CTNNA2: variants seen among roughly 807,000 people sequenced by gnomAD.
CTNNA2 encodes the protein catenin alpha 2.
In CTNNA2, 42 loss-of-function variants were observed where a neutral mutation model predicts 101.0. The ratio of observed to expected loss-of-function variants is 0.42; its 90% CI spans 0.32 to 0.54. The LOEUF is 0.54. Among genes scored for constraint, CTNNA2 ranks in the 20% least tolerant of loss-of-function variants. The probability of loss-of-function intolerance (pLI) is 0.14; values close to 1 mark genes in which losing one functional copy is unlikely to be tolerated. For missense variants in CTNNA2, 871 were observed against 1,223.1 expected, an observed-to-expected ratio of 0.71 and a Z score of 4.29; for synonymous variants, 450 against 456.4, an observed-to-expected ratio of 0.99 and a Z score of 0.18.
intron 4 of CTNNA2, among the ~76,000 whole-genome samples, chr2:79,451,158 A>G (rs539093139): frequency 6.6e-6 from 1 of 152,272 alleles, no homozygotes; most frequent in South Asian, 2.1e-4. Context: ...AAGGAAAACA[A>G]CATTGAACAA....
chr2:79,242,993 T>TATATATATAC (rs1306982182), intron 2 of CTNNA2, among the ~76,000 whole-genome samples: 35 of 116,696 alleles, frequency 3.0e-4, no homozygotes, highest in Admixed American at 4.5e-4. Context: ...TATATATATA[T>TATATATATAC]ACACACACAC....
intron 7 of CTNNA2, among the ~76,000 whole-genome samples, chr2:79,975,431 G>T (rs531391749): frequency 2.6e-5 from 4 of 152,268 alleles, no homozygotes; most frequent in African/African-American, 9.6e-5. Context: ...CAATTTTGCA[G>T]CAGATTCTTC....
intron 7 of CTNNA2, among the ~76,000 whole-genome samples, chr2:80,006,846 T>C (rs1693392050): frequency 6.6e-6 from 1 of 152,152 alleles, no homozygotes; most frequent in Non-Finnish European, 1.5e-5. Context: ...ACTCTGTTCT[T>C]ATTGGAATCC....
At chr2:79,856,978 T>C (rs1558585423) in intron 3 of CTNNA2, among the ~76,000 whole-genome samples, 1 of 152,216 alleles carries the variant, frequency 6.6e-6, no homozygotes, top group Non-Finnish European at 1.5e-5. Flanking sequence ...AAATCTATTA[T>C]TGTAACTTCC....
chr2:80,154,249 G>A (rs1703873264), intron 7 of CTNNA2, among the ~76,000 whole-genome samples: 1 of 151,526 alleles, frequency 6.6e-6, no homozygotes. Flanking sequence ...TTTCCTGTTG[G>A]TATTTTAGAA....
intron 4 of CTNNA2, among the ~76,000 whole-genome samples, chr2:79,868,665 T>C (rs762492402): frequency 6.6e-6 from 1 of 152,356 alleles, no homozygotes; most frequent in Admixed American, 6.5e-5. Context: ...TTGCCCAAAA[T>C]TACAAGAGCC....
intron 1 of CTNNA2, among the ~76,000 whole-genome samples, chr2:79,565,840 T>C (rs1018915405): frequency 2.0e-5 from 3 of 152,094 alleles, no homozygotes; most frequent in African/African-American, 7.2e-5. Context: ...GAGAGATCTC[T>C]GCGTGTTTAG....
intron 4 of CTNNA2, among the ~76,000 whole-genome samples, chr2:79,482,001 T>C (rs894076779): frequency 2.6e-5 from 4 of 152,224 alleles, no homozygotes; most frequent in African/African-American, 9.6e-5. Context: ...GTGAAAATGA[T>C]ACTTTTGGTC....
At chr2:79,800,199 A>G (rs933488755) in intron 3 of CTNNA2, among the ~76,000 whole-genome samples, 3 of 152,340 alleles carry the variant, frequency 2.0e-5, no homozygotes, top group East Asian at 3.9e-4. Flanking sequence ...TTATTTTTAT[A>G]TCAAGAGATT....
chr2:80,296,066 G>T (rs1472321065), intron 7 of CTNNA2, among the ~76,000 whole-genome samples: 1 of 151,804 alleles, frequency 6.6e-6, no homozygotes. Context: ...AGTTTTTTAC[G>T]ATTATTGCGG....
chr2:80,183,117 C>A (rs912840395), intron 7 of CTNNA2, among the ~76,000 whole-genome samples: 2 of 152,028 alleles, frequency 1.3e-5, no homozygotes, highest in Non-Finnish European at 2.9e-5. Flanking sequence ...CCTGGAAATT[C>A]TGCCTGCTTC....
intron 2 of CTNNA2, among the ~76,000 whole-genome samples, chr2:79,228,304 TTTAAG>T (rs1674447694): frequency 6.6e-6 from 1 of 152,198 alleles, no homozygotes. Context: ...GTAGTTCTCT[TTTAAG>T]TTCTTTGAGA....
chr2:79,990,739 C>CT (rs762340695), intron 7 of CTNNA2, among the ~76,000 whole-genome samples: 4 of 152,084 alleles, frequency 2.6e-5, no homozygotes, highest in South Asian at 2.1e-4. Context: ...CTAAAATTCT[C>CT]TTTTTTTGTT....
chr2:80,645,994 A>G (rs910799160), intron 18 of CTNNA2, among the ~76,000 whole-genome samples: 2 of 152,180 alleles, frequency 1.3e-5, no homozygotes, highest in African/African-American at 4.8e-5. Context: ...ACAGCGCAAC[A>G]TTAATTTAGC....
intron 2 of CTNNA2, among the ~76,000 whole-genome samples, chr2:79,221,713 T>A (rs1216151926): frequency 6.6e-6 from 1 of 152,064 alleles, no homozygotes. Context: ...TATTAATATA[T>A]CCCTCTAAGA....
chr2:80,007,294 A>G (rs1241920505), intron 7 of CTNNA2, among the ~76,000 whole-genome samples: 1 of 152,152 alleles, frequency 6.6e-6, no homozygotes, highest in Non-Finnish European at 1.5e-5. Context: ...ATTGTAAATG[A>G]ACTCAAGTGT....
intron 5 of CTNNA2, among the ~76,000 whole-genome samples, chr2:79,870,261 G>A (rs1279631172): frequency 1.3e-5 from 2 of 152,198 alleles, no homozygotes; most frequent in African/African-American, 4.8e-5. Context: ...CTGTGGGGTA[G>A]TGCTGTGGTC....
chr2:79,218,922 GT>G (rs2104216837), intron 2 of CTNNA2, among the ~76,000 whole-genome samples: 1 of 152,186 alleles, frequency 6.6e-6, no homozygotes, highest in East Asian at 1.9e-4. Flanking sequence ...ATAAAGGAAA[GT>G]TCTAAAAGGA....
intron 11 of CTNNA2, among the ~76,000 whole-genome samples, chr2:80,549,836 A>T (rs1692415786): frequency 6.6e-6 from 1 of 152,166 alleles, no homozygotes; most frequent in Admixed American, 6.5e-5. Flanking sequence ...AGGAATGCAA[A>T]TGTGAATGAA....
Sources: gnomAD v4.1 joint callset for allele counts (sites outside exome capture counted in the v4.1 genomes callset) on GRCh38, gnomAD v4.1.1 for gene constraint, MANE v1.5 for transcripts, NCBI Gene and HGNC (gene_info 2026-07-23, HGNC 2026-07-21) for gene names.